MED25: variants seen among roughly 807,000 people sequenced by gnomAD.
The protein encoded by MED25 is mediator of RNA polymerase II transcription subunit 25.
Under a neutral mutation model 89.4 loss-of-function variants are expected in MED25, and 62 were observed. The ratio of observed to expected loss-of-function variants is 0.69; its 90% confidence interval spans 0.57 to 0.86. The LOEUF (loss-of-function observed/expected upper bound fraction) is 0.86. MED25 is among the 40% of genes least tolerant of loss of function. MED25 has a pLI of 0.00. For missense variants in MED25, 905 were observed against 1,005.2 expected, an observed-to-expected ratio of 0.90 and a Z score of 1.35; for synonymous variants, 449 against 427.9, an observed-to-expected ratio of 1.05 and a Z score of -0.61.
In MED25 at chr19:49,836,729, G is replaced by T; in HGVS notation, c.2147-118G>T. 1.3e-6 allele frequency: 1 copy of T among 791,560 alleles called. No individual in the cohort carries two copies. Among genetic ancestry groups the T allele is most frequent in the Non-Finnish European group, 2.2e-6 (1 of 452,932 alleles). The allele number at this position is 791,560 out of a possible 1,614,324, so 49.0% of individuals were successfully genotyped here. A position where few individuals can be genotyped will look rare whatever the true frequency, so the allele number is the denominator to read the frequency against. Reference sequence around the variant, plus strand: ...AAACAGCATATTTGTAACTAGATGGGGCCAGAAGGTGCTTCTGTTGGGTCC... The same window carrying T: ...AAACAGCATATTTGTAACTAGATGGTGCCAGAAGGTGCTTCTGTTGGGTCC... On this transcript the variant is annotated intron_variant, in intron 17 of 17. Transcript: ENST00000312865. The surrounding 1 kb of genome is among the most constrained non-coding windows in gnomAD (Gnocchi z 5.1).
In MED25 at chr19:49,831,261, C is replaced by A; in HGVS notation, c.1102-72C>A. The A allele has an allele frequency of 6.6e-7, 1 of 1,513,636 alleles. No homozygotes were observed. Among genetic ancestry groups the A allele is most frequent in the Non-Finnish European group, 9.0e-7 (1 of 1,115,020 alleles). 93.8% of individuals were successfully genotyped at this position (1,513,636 alleles called of 1,614,324 possible). A position where few individuals can be genotyped will look rare whatever the true frequency, so the allele number is the denominator to read the frequency against. On this transcript the variant is annotated intron_variant, in intron 9 of 17. Transcript: ENST00000312865. This position sits in a 1 kb window ranked among gnomAD's most constrained non-coding sequence, Gnocchi z 5.0. ...GGGATCTTTCCTCCTTCCTGGTTTG[C>A]CCTCACAGGATGGCCCCCGGAGGCT... is the stretch of plus-strand genomic sequence containing the variant.
At position 49,835,537 on chromosome 19, in the gene MED25, G is replaced by A; in HGVS notation, c.1678G>A (p.Gly560Arg). 2 of 1,558,630 alleles carry A rather than the reference G, an allele frequency of 1.3e-6. No homozygotes were observed. The highest frequency in any genetic ancestry group is 1.7e-6 in the Non-Finnish European group (2 of 1,152,000). ...CTGCCCCTCTCTCCCCGTGCAGATGGGGGGACAGCAGGCACCCCCAGGGCT... is the reference window on the plus strand; with the variant it reads ...CTGCCCCTCTCTCCCCGTGCAGATGAGGGGACAGCAGGCACCCCCAGGGCT... Reference protein sequence around the residue: ...QKLEQQQRGMGGQQAPPGLGP... With the variant: ...QKLEQQQRGMRGQQAPPGLGP... The change falls in exon 15 of 18, where the codon GGG (glycine) becomes AGG (arginine). Residue 560 changes from glycine to arginine, a missense_variant. Coordinates refer to ENST00000312865, the MANE Select transcript of MED25 (RefSeq NM_030973.4). This position sits in a 1 kb window ranked among gnomAD's most constrained non-coding sequence, Gnocchi z 6.2.
In MED25 at chr19:49,831,507, G is replaced by T. The variant is rs188631801; in HGVS notation, c.1230+46G>T. On this transcript the variant is annotated intron_variant, in intron 10 of 17. Transcript: ENST00000312865. The surrounding 1 kb of genome is among the most constrained non-coding windows in gnomAD (Gnocchi z 5.0). Reference sequence around the variant, plus strand: ...TTGGGCACTTGGGACTCCTGGGGCCGTGGGGCTGGGCATGTAGGACTCATG... The same window carrying T: ...TTGGGCACTTGGGACTCCTGGGGCCTTGGGGCTGGGCATGTAGGACTCATG... 22 of 1,595,996 alleles carry T rather than the reference G, an allele frequency of 1.4e-5. No homozygotes were observed. The highest frequency in any genetic ancestry group is 1.7e-6 in the Non-Finnish European group (2 of 1,169,802).
downstream of MED25, chr19:49,838,405 G>T (rs749611841): frequency 2.2e-5 from 8 of 363,126 alleles, no homozygotes; most frequent in East Asian, 5.9e-4. Context: ...GGCTGGAGCT[G>T]CCCCTCTCCA....
At chr19:49,820,415 A>G (rs2073974090) in intron 3 of MED25, among the ~76,000 whole-genome samples, 1 of 152,266 alleles carries the variant, frequency 6.6e-6, no homozygotes, top group Non-Finnish European at 1.5e-5. Flanking sequence ...GATGTCCCTT[A>G]TCTAGGTTAG....
rs781606558 is a variant in MED25, at chr19:49,836,689, C to T, written c.2147-158C>T. 12 of 747,238 alleles carry T rather than the reference C, an allele frequency of 1.6e-5. No individual in the cohort carries two copies. Among genetic ancestry groups the T allele is most frequent in the Admixed American group, 1.2e-4 (6 of 50,032 alleles). The allele number at this position is 747,238 out of a possible 1,614,324, so 46.3% of individuals were successfully genotyped here. On this transcript the variant is annotated intron_variant, in intron 17 of 17. Transcript: ENST00000312865. This position sits in a 1 kb window ranked among gnomAD's most constrained non-coding sequence, Gnocchi z 5.1. ...GAGAAGTAGTTTTGGAGAAGGGCCC[C>T]CAAAGGCTCATGGGAAACAGCATAT...
chr19:49,825,743 A>G (rs866881514), intron 3 of MED25, among the ~76,000 whole-genome samples: 25 of 152,008 alleles, frequency 1.6e-4, no homozygotes, highest in African/African-American at 5.8e-4. Flanking sequence ...AGGCAGGAGA[A>G]TCACTTGAAC....
At chr19:49,839,364 T>C (rs2074119694), downstream of MED25, 1 of 160,942 alleles carries the variant, frequency 6.2e-6, no homozygotes, top group Non-Finnish European at 1.4e-5. Flanking sequence ...AGTTGGGTCG[T>C]TGCATCCATC....
intron 3 of MED25, among the ~76,000 whole-genome samples, chr19:49,825,526 A>G (rs1288023281): frequency 6.6e-6 from 1 of 151,866 alleles, no homozygotes; most frequent in African/African-American, 2.4e-5. Flanking sequence ...GATTACAGGC[A>G]TAAGCCATTG....
chr19:49,828,952 TTC>T lies in MED25; in HGVS notation c.405-12_405-11del. 8 of 1,613,916 alleles carry T rather than the reference TTC, an allele frequency of 5.0e-6. No homozygotes were observed. Among genetic ancestry groups the T allele is most frequent in the Non-Finnish European group, 6.8e-6 (8 of 1,179,952 alleles). On this transcript the variant is annotated splice_polypyrimidine_tract_variant and intron_variant, in intron 4 of 17. Transcript: ENST00000312865. ...CCTCTGTTGCTGCTGGCTCCATGTC[TTC>T]TCTCTTTCCTGGTAGTGGCCAGACG...
At position 49,828,976 on chromosome 19, in the gene MED25, G is replaced by A. The variant is rs1233934465; in HGVS notation, c.411G>A (p.Gln137=). The part of the protein sequence containing the change: ...DFKKMREQIG[Q]THRVCLLICN... ...CTTCTCTCTTTCCTGGTAGTGGCCAGACGCACCGGGTCTGCCTCCTCATCT... is the reference window on the plus strand; with the variant it reads ...CTTCTCTCTTTCCTGGTAGTGGCCAAACGCACCGGGTCTGCCTCCTCATCT... Residue 137 remains glutamine, a synonymous_variant, in exon 5 of 18, where the codon CAG becomes CAA. Coordinates refer to ENST00000312865, the MANE Select transcript of MED25 (RefSeq NM_030973.4). 2.5e-6 allele frequency: 4 copies of A among 1,614,104 alleles called. No homozygotes were observed. The East Asian group carries it at 8.9e-5, about 36-fold the overall frequency.
At chr19:49,827,501 C>T (rs999499160) in intron 3 of MED25, among the ~76,000 whole-genome samples, 2 of 152,104 alleles carry the variant, frequency 1.3e-5, no homozygotes, top group African/African-American at 2.4e-5. Flanking sequence ...CTGCATCACC[C>T]GTCCTCACAT....
At chr19:49,838,805 A>G (rs570852392), downstream of MED25, 234 of 450,466 alleles carry the variant, frequency 5.2e-4, no homozygotes, top group South Asian at 7.5e-4. Context: ...GAACTGAAAA[A>G]GGGACTCAAA....
chr19:49,831,166 C>T lies in MED25; in HGVS notation c.1102-167C>T, dbSNP rs929406346. ...CGCACAGCTTACGAGTCCTCGAATC[C>T]TGCAAGGTCCAAGCATTTGGGGTCC... On this transcript the variant is annotated intron_variant, in intron 9 of 17. Transcript: ENST00000312865. This position sits in a 1 kb window ranked among gnomAD's most constrained non-coding sequence, Gnocchi z 5.0. Among the ~76,000 whole-genome samples the T allele has an allele frequency of 6.6e-6, 1 of 152,186 alleles. No homozygotes were observed. Among genetic ancestry groups the T allele is most frequent in the Non-Finnish European group, 1.5e-5 (1 of 68,014 alleles).
At chr19:49,824,013 G>A (rs746039613) in intron 3 of MED25, among the ~76,000 whole-genome samples, 8 of 152,140 alleles carry the variant, frequency 5.3e-5, no homozygotes, top group African/African-American at 9.7e-5. Context: ...GGGAGAGACC[G>A]GTAAGACAGT....
At chr19:49,823,902 C>T (rs191356687) in intron 3 of MED25, among the ~76,000 whole-genome samples, 7 of 152,184 alleles carry the variant, frequency 4.6e-5, no homozygotes, top group African/African-American at 1.4e-4. Context: ...CACTAGATGC[C>T]GGTAGCCCCC....
chr19:49,829,197 TGGGGGCCTG>T lies in MED25; in HGVS notation c.525+109_525+117del. 1 of 988,726 alleles carries T rather than the reference TGGGGGCCTG, an allele frequency of 1.0e-6. No individual in the cohort carries two copies. Among genetic ancestry groups the T allele is most frequent in the Non-Finnish European group, 1.6e-6 (1 of 644,122 alleles). The allele number at this position is 988,726 out of a possible 1,614,324, so 61.2% of individuals were successfully genotyped here. A position where few individuals can be genotyped will look rare whatever the true frequency, so the allele number is the denominator to read the frequency against. On this transcript the variant is annotated intron_variant, in intron 5 of 17. Transcript: ENST00000312865. This position sits in a 1 kb window ranked among gnomAD's most constrained non-coding sequence, Gnocchi z 4.6. ...CTCCTGGGTCTGAGGGAGGAGGCACTGGGGGCCTGGACTCTTGGGTCTAAGCGGGGAGGC... is the reference window on the plus strand; with the variant it reads ...CTCCTGGGTCTGAGGGAGGAGGCACTGACTCTTGGGTCTAAGCGGGGAGGC...
chr19:49,824,142 T>C (rs1043367840), intron 3 of MED25, among the ~76,000 whole-genome samples: 9 of 152,142 alleles, frequency 5.9e-5, no homozygotes, highest in Non-Finnish European at 1.2e-4. Flanking sequence ...TTCTGTAGAA[T>C]GAATGTCCAG....
intron 4 of MED25, 120 bp downstream of exon 4, chr19:49,828,667 A>G: frequency 1.0e-6 from 1 of 959,906 alleles, no homozygotes; most frequent in Non-Finnish European, 1.7e-6. Context: ...TGTGTCCCCA[A>G]GCACGCTGAG....
Sources: gnomAD v4.1 joint callset for allele counts (sites outside exome capture counted in the v4.1 genomes callset) on GRCh38, gnomAD v4.1.1 for gene constraint, Gnocchi (gnomAD v3.1) non-coding constraint, MANE v1.5 for transcripts, NCBI Gene and HGNC (gene_info 2026-07-23, HGNC 2026-07-21) for gene names.